ULK2: variants seen among roughly 807,000 people sequenced by gnomAD.
ULK2 encodes the protein serine/threonine-protein kinase ULK2.
Under a neutral mutation model 127.5 loss-of-function variants are expected in ULK2, and 76 were observed. That is an observed-to-expected ratio of 0.60 (90% confidence interval 0.50 to 0.72). The LOEUF is 0.72. ULK2 is among the 30% of genes least tolerant of loss of function. ULK2 has a pLI of 0.00. For missense variants in ULK2, 1,144 were observed against 1,295.9 expected (o/e 0.88, Z 1.80); for synonymous variants, 452 against 461.9 (o/e 0.98, Z 0.28).
At chr17:19,819,299 T>C (rs2041078132) in intron 12 of ULK2, among the ~76,000 whole-genome samples, 1 of 152,202 alleles carries the variant, frequency 6.6e-6, no homozygotes. Context: ...CTGTGGACCA[T>C]TCTTCTCAAC....
intron 25 of ULK2, among the ~76,000 whole-genome samples, chr17:19,779,531 C>CAAAAAAAAAAAAAAAAAAAAAAAAA (rs55957234): frequency 2.9e-5 from 2 of 67,998 alleles, no homozygotes. Context: ...AACTCCATCT[C>CAAAAAAAAAAAAAAAAAAAAAAAAA]AAAAAAAAAA....
intron 21 of ULK2, among the ~76,000 whole-genome samples, chr17:19,785,425 C>T (rs908262850): frequency 1.3e-5 from 2 of 151,910 alleles, no homozygotes; most frequent in Non-Finnish European, 2.9e-5. Context: ...GTTGGCCACG[C>T]TGGTCTCGAG....
At chr17:19,817,172 T>C (rs922608982) in intron 12 of ULK2, among the ~76,000 whole-genome samples, 1 of 152,220 alleles carries the variant, frequency 6.6e-6, no homozygotes, top group Admixed American at 6.5e-5. Flanking sequence ...CTTATCCGCA[T>C]GTACTTGCCT....
chr17:19,804,352 T>A (rs941536061), intron 15 of ULK2, among the ~76,000 whole-genome samples: 7 of 152,134 alleles, frequency 4.6e-5, no homozygotes, highest in African/African-American at 1.7e-4. Context: ...GTAAACAATA[T>A]GTAAATAATC....
chr17:19,829,556 G>GGGGA (rs768810560), intron 10 of ULK2, among the ~76,000 whole-genome samples: 7 of 131,636 alleles, frequency 5.3e-5, no homozygotes, highest in Admixed American at 1.5e-4. Flanking sequence ...AAAGGGGGGG[G>GGGGA]GCTGGGCACG....
chr17:19,817,698 A>G (rs557846904), intron 12 of ULK2, among the ~76,000 whole-genome samples: 10 of 152,338 alleles, frequency 6.6e-5, no homozygotes, highest in South Asian at 2.1e-4. Flanking sequence ...TGAACTTCAT[A>G]GCTTATTGTG....
intron 6 of ULK2, 128 bp from the exon 7 acceptor site, chr17:19,845,505 ACTGTCCAC>A: frequency 3.1e-6 from 2 of 643,634 alleles, no homozygotes; most frequent in Admixed American, 2.8e-5. Context: ...ATTGAATTAG[ACTGTCCAC>A]CAAAAAAAAA....
chr17:19,832,544 G>T (rs1302787900), intron 10 of ULK2, among the ~76,000 whole-genome samples: 1 of 152,106 alleles, frequency 6.6e-6, no homozygotes, highest in Non-Finnish European at 1.5e-5. Flanking sequence ...GATTACAGAT[G>T]TGAGCCACCA....
chr17:19,777,127 T>C (rs1238140862), intron 26 of ULK2, among the ~76,000 whole-genome samples: 1 of 152,200 alleles, frequency 6.6e-6, no homozygotes, highest in Admixed American at 6.5e-5. Context: ...CTACGTAGAA[T>C]GGAGTCTTGC....
intron 6 of ULK2, among the ~76,000 whole-genome samples, chr17:19,845,927 G>A (rs184269903): frequency 5.3e-5 from 8 of 152,028 alleles, no homozygotes; most frequent in Admixed American, 2.0e-4. Flanking sequence ...TGGCCAACAC[G>A]GTGAAACCCT....
Position 19,776,292 on chromosome 17 carries a change from A to C in ULK2, c.*57T>G, listed in dbSNP as rs981050514. The C allele has an allele frequency of 3.4e-6, 5 of 1,476,912 alleles. No homozygotes were observed. The highest frequency in any genetic ancestry group is 4.5e-6 in the Non-Finnish European group (5 of 1,100,472). 91.5% of individuals were successfully genotyped at this position (1,476,912 alleles called of 1,614,324 possible). On this transcript the variant is annotated 3_prime_UTR_variant, in exon 27 of 27. Coordinates refer to ENST00000395544, the MANE Select transcript of ULK2 (RefSeq NM_014683.4). The stretch of plus-strand genomic sequence containing the variant: ...GATGGGGTGACAGAACTCAAGCTGT[A>C]ATCCCAAAGGCATCACCTCACGTTC...
rs144733183 is a variant in ULK2 at position 19,783,781 on chromosome 17, G to A, written c.2376C>T (p.Tyr792=). The part of the protein sequence containing the change: ...PGAEAAPSLR[Y]VPYGASPPSL... ...TGGGGGGTGAAGCACCGTAAGGCAC[G>A]TATCTCAGGCTGGGAGCTGCCTCTG... The change falls in exon 22 of 27, where the codon TAC becomes TAT. Residue 792 remains tyrosine (Y), a synonymous_variant. Coordinates refer to ENST00000395544, the MANE Select transcript of ULK2 (RefSeq NM_014683.4). 29 of 1,603,532 alleles carry A rather than the reference G, an allele frequency of 1.8e-5. No individual in the cohort carries two copies. The highest frequency in any genetic ancestry group is 1.7e-4 in the African/African-American group (13 of 74,544).
chr17:19,788,750 T>C (rs1469172938), intron 20 of ULK2, among the ~76,000 whole-genome samples: 1 of 152,156 alleles, frequency 6.6e-6, no homozygotes, highest in Non-Finnish European at 1.5e-5. Context: ...ACTCAGCACA[T>C]GCTGACTGAA....
In ULK2 at chr17:19,777,676, T is replaced by C; in HGVS notation, c.2957A>G (p.Glu986Gly). Residue 986 changes from glutamate to glycine, a missense_variant, in exon 26 of 27, where the codon GAA becomes GGA. Physicochemically the swap from Glu to Gly is moderately conservative, Grantham distance 98. Coordinates refer to ENST00000395544, the MANE Select transcript of ULK2 (RefSeq NM_014683.4). ...AALDEMFQQT[E>G]DIVYRYHKAA... ...CTTATGATAGCGATAAACAATATCT[T>C]CGGTCTGCTGAAACATCTCATCCAG... 6.2e-7 allele frequency: 1 copy of C among 1,614,058 alleles called. No homozygotes were observed. Among genetic ancestry groups the C allele is most frequent in the Non-Finnish European group, 8.5e-7 (1 of 1,179,980 alleles).
chr17:19,786,133 A>G (rs369102608), intron 20 of ULK2, 47 bp from the exon 21 acceptor site: 213 of 1,514,908 alleles, frequency 1.4e-4, no homozygotes, highest in Non-Finnish European at 1.7e-4. Context: ...GATAGTGTTT[A>G]TATCTGGGAG....
chr17:19,839,009 C>T (rs1380777684), intron 9 of ULK2, among the ~76,000 whole-genome samples: 3 of 147,444 alleles, frequency 2.0e-5, no homozygotes, highest in Non-Finnish European at 4.5e-5. Context: ...CCAGGCTGGG[C>T]GACAGAGCAA....
chr17:19,781,243 T>C (rs890176252), intron 23 of ULK2, 139 bp from the exon 24 acceptor site: 2 of 133,974 alleles, frequency 1.5e-5, no homozygotes, highest in Non-Finnish European at 1.4e-5. Flanking sequence ...CTTTCTTTTC[T>C]TTTTTTTTTT....
chr17:19,793,620 T>C (rs188211871), intron 20 of ULK2, among the ~76,000 whole-genome samples: 347 of 151,784 alleles, frequency 2.3e-3, no homozygotes, highest in Admixed American at 3.8e-3. Context: ...TAAGAAGGAG[T>C]GTATAGGGAA....
intron 14 of ULK2, among the ~76,000 whole-genome samples, chr17:19,807,615 C>A (rs1009434028): frequency 6.6e-6 from 1 of 151,746 alleles, no homozygotes; most frequent in African/African-American, 2.4e-5. Flanking sequence ...AAGAATTAGA[C>A]CATAGGAAGA....
Sources: gnomAD v4.1 joint callset for allele counts (sites outside exome capture counted in the v4.1 genomes callset) on GRCh38, gnomAD v4.1.1 for gene constraint, MANE v1.5 for transcripts, NCBI Gene and HGNC (gene_info 2026-07-23, HGNC 2026-07-21) for gene names.